The following GSK3B variants were observed in gnomAD, a reference collection of about 807,000 sequenced individuals.
GSK3B encodes glycogen synthase kinase-3 beta.
GSK3B carries 15 observed loss-of-function variants against 56.4 expected under a neutral mutation model. The observed-to-expected ratio is 0.27, with a 90% confidence interval of 0.18 to 0.41. GSK3B has a LOEUF of 0.41. GSK3B is among the 10% of genes least tolerant of loss of function. The pLI is 1.00. For synonymous variants in GSK3B, 181 were observed against 188.9 expected (o/e 0.96, Z 0.34); for missense variants, 300 against 513.4 (o/e 0.58, Z 4.02).
At chr3:119,985,651 A>G (rs1431504361) in intron 2 of GSK3B, among the ~76,000 whole-genome samples, 1 of 152,250 alleles carries the variant, frequency 6.6e-6, no homozygotes, top group African/African-American at 2.4e-5. Context: ...CTCTTCAAGA[A>G]TAACTACAAA....
intron 7 of GSK3B, among the ~76,000 whole-genome samples, chr3:119,892,319 C>T (rs966289683): frequency 2.0e-5 from 3 of 152,172 alleles, no homozygotes; most frequent in African/African-American, 7.2e-5. Flanking sequence ...CTATCAACCC[C>T]ACCAGGCAGA....
chr3:120,054,041 C>T (rs576312125), intron 1 of GSK3B, among the ~76,000 whole-genome samples: 99 of 152,026 alleles, frequency 6.5e-4, no homozygotes, highest in African/African-American at 2.1e-3. Context: ...TCTTTGATAC[C>T]GGCAGTACAA....
intron 10 of GSK3B, among the ~76,000 whole-genome samples, chr3:119,832,198 T>C (rs926984886): frequency 6.6e-6 from 1 of 152,232 alleles, no homozygotes; most frequent in Admixed American, 6.5e-5. Context: ...GATACTTAAG[T>C]AGCACTATGG....
chr3:120,065,346 T>C (rs2058269914), intron 1 of GSK3B, among the ~76,000 whole-genome samples: 1 of 152,108 alleles, frequency 6.6e-6, no homozygotes, highest in Non-Finnish European at 1.5e-5. Flanking sequence ...CCACCAACAA[T>C]GGTGGTTTGC....
intron 2 of GSK3B, among the ~76,000 whole-genome samples, chr3:119,947,901 A>T (rs2057116112): frequency 6.6e-6 from 1 of 151,842 alleles, no homozygotes; most frequent in African/African-American, 2.4e-5. Flanking sequence ...AGAAAAGAAA[A>T]GAAATTATAC....
At chr3:119,869,057 T>C (rs113158754) in intron 8 of GSK3B, among the ~76,000 whole-genome samples, 3,919 of 151,434 alleles carry the variant, frequency 0.026, 174 homozygotes, top group African/African-American at 0.089. Flanking sequence ...CTCCCTATCT[T>C]TACTAAAAAT....
intron 1 of GSK3B, among the ~76,000 whole-genome samples, chr3:120,091,729 C>A (rs1370161664): frequency 6.6e-6 from 1 of 152,066 alleles, no homozygotes; most frequent in Non-Finnish European, 1.5e-5. Flanking sequence ...TCAAATCACT[C>A]CATGAAGTGC....
intron 1 of GSK3B, among the ~76,000 whole-genome samples, chr3:120,036,197 A>G (rs1042395923): frequency 2.0e-5 from 3 of 152,228 alleles, no homozygotes; most frequent in Non-Finnish European, 2.9e-5. Flanking sequence ...TAACATATCT[A>G]TAGTCTACAT....
chr3:119,871,072 TATTGA>T (rs2056244883), intron 8 of GSK3B, among the ~76,000 whole-genome samples: 1 of 152,236 alleles, frequency 6.6e-6, no homozygotes, highest in Non-Finnish European at 1.5e-5. Context: ...CTGAAAATTC[TATTGA>T]ATGGCTCAGG....
intron 2 of GSK3B, among the ~76,000 whole-genome samples, chr3:119,999,559 G>C (rs1470489876): frequency 6.6e-6 from 1 of 152,128 alleles, no homozygotes. Flanking sequence ...CCAAAAAATG[G>C]AATGTGTGGG....
chr3:120,015,664 A>C (rs1033711432), intron 1 of GSK3B, among the ~76,000 whole-genome samples: 3 of 144,380 alleles, frequency 2.1e-5, no homozygotes, highest in Admixed American at 6.7e-5. Context: ...AAAAAAAAAA[A>C]AAAAAAAAAA....
At chr3:119,834,760 G>A (rs1266697349) in intron 10 of GSK3B, among the ~76,000 whole-genome samples, 2 of 152,212 alleles carry the variant, frequency 1.3e-5, no homozygotes, top group Non-Finnish European at 2.9e-5. Context: ...AAAAATGTCT[G>A]ATAGGGAATT....
intron 8 of GSK3B, among the ~76,000 whole-genome samples, chr3:119,867,718 T>A (rs1011647417): frequency 2.0e-5 from 3 of 152,226 alleles, no homozygotes; most frequent in Non-Finnish European, 4.4e-5. Context: ...AACTCACCAG[T>A]ATCTGTGAAC....
intron 1 of GSK3B, among the ~76,000 whole-genome samples, chr3:120,064,364 A>C (rs150466972): frequency 1.3e-5 from 2 of 152,122 alleles, no homozygotes; most frequent in African/African-American, 4.8e-5. Flanking sequence ...ATTTTTATAC[A>C]CTAACAATAA....
chr3:119,946,685 T>C (rs922794762), intron 3 of GSK3B, among the ~76,000 whole-genome samples: 1 of 152,048 alleles, frequency 6.6e-6, no homozygotes, highest in Non-Finnish European at 1.5e-5. Flanking sequence ...GAGAAAGAGG[T>C]TGGAAGGAGT....
At chr3:119,975,823 C>G (rs1014871701) in intron 2 of GSK3B, among the ~76,000 whole-genome samples, 27 of 152,036 alleles carry the variant, frequency 1.8e-4, no homozygotes, top group African/African-American at 6.0e-4. Flanking sequence ...ACCAAGGCAC[C>G]AGTAATATTG....
intron 7 of GSK3B, among the ~76,000 whole-genome samples, chr3:119,890,651 T>C (rs1451161105): frequency 1.3e-5 from 2 of 151,900 alleles, no homozygotes; most frequent in South Asian, 2.1e-4. Context: ...AGTGGTTATA[T>C]GGGCATGTTT....
chr3:119,886,076 A>G (rs537057030), intron 7 of GSK3B, among the ~76,000 whole-genome samples: 4 of 152,292 alleles, frequency 2.6e-5, no homozygotes, highest in African/African-American at 9.6e-5. Context: ...TGCATAGCAA[A>G]AACAACTATC....
chr3:119,878,914 G>A (rs2056346576), intron 7 of GSK3B, among the ~76,000 whole-genome samples: 1 of 152,280 alleles, frequency 6.6e-6, no homozygotes, highest in East Asian at 1.9e-4. Flanking sequence ...ATAGTTTTGA[G>A]AAGCAAGATT....
Sources: allele counts gnomAD v4.1 joint callset (sites outside exome capture counted in the v4.1 genomes callset), GRCh38; gene constraint gnomAD v4.1.1; transcripts MANE v1.5; gene names NCBI Gene and HGNC (gene_info 2026-07-23, HGNC 2026-07-21).